Variants in ACOXL observed in about 807,000 individuals in gnomAD.
The protein encoded by ACOXL is acyl-CoA oxidase like.
Under a neutral mutation model 71.9 loss-of-function variants are expected in ACOXL, and 70 were observed. The ratio of observed to expected loss-of-function variants is 0.97; its 90% CI spans 0.80 to 1.19. The LOEUF (loss-of-function observed/expected upper bound fraction) is 1.19. Among genes scored for constraint, ACOXL ranks in the 50% most tolerant of loss-of-function variants. The pLI, the probability that ACOXL is intolerant of heterozygous loss-of-function variation, is 0.00. For missense variants in ACOXL, 703 were observed against 736.3 expected (o/e 0.95, Z 0.52); for synonymous variants, 253 against 281.6 (o/e 0.90, Z 1.02).
intron 15 of ACOXL, 92 bp downstream of exon 15, chr2:111,031,806 A>T: frequency 7.8e-7 from 1 of 1,275,934 alleles, no homozygotes; most frequent in Non-Finnish European, 1.1e-6. Flanking sequence ...GGACAGTCCC[A>T]ACACACAGGG....
chr2:110,834,744 G>T (rs1427750880), intron 9 of ACOXL, among the ~76,000 whole-genome samples: 4 of 152,254 alleles, frequency 2.6e-5, no homozygotes, highest in African/African-American at 7.2e-5. Flanking sequence ...GAGAGCAGAG[G>T]TGGTTCTCTG....
intron 12 of ACOXL, among the ~76,000 whole-genome samples, chr2:110,963,974 G>A (rs2061819398): frequency 6.6e-6 from 1 of 152,146 alleles, no homozygotes; most frequent in South Asian, 2.1e-4. Context: ...TTTTGAAAGA[G>A]TATGTAAGGC....
intron 16 of ACOXL, among the ~76,000 whole-genome samples, chr2:111,079,217 T>C (rs2149965455): frequency 6.6e-6 from 1 of 152,336 alleles, no homozygotes; most frequent in South Asian, 2.1e-4. Context: ...CCAAATAATG[T>C]ACATTGTACC....
At chr2:111,080,821 C>T (rs1356812857) in intron 16 of ACOXL, among the ~76,000 whole-genome samples, 4 of 152,304 alleles carry the variant, frequency 2.6e-5, no homozygotes, top group African/African-American at 9.6e-5. Flanking sequence ...AGCTTATTCA[C>T]CACGATCAAG....
At chr2:111,044,464 G>A (rs530231430) in intron 15 of ACOXL, among the ~76,000 whole-genome samples, 1 of 152,382 alleles carries the variant, frequency 6.6e-6, no homozygotes, top group African/African-American at 2.4e-5. Context: ...CGCAGGGGCA[G>A]GGCCCCTATT....
At chr2:110,988,872 TG>T (rs1449266374) in intron 13 of ACOXL, among the ~76,000 whole-genome samples, 1 of 151,698 alleles carries the variant, frequency 6.6e-6, no homozygotes, top group African/African-American at 2.4e-5. Flanking sequence ...TGTGTGTGTG[TG>T]TGTGTGTGTG....
At chr2:110,998,082 T>A (rs1317531002) in intron 14 of ACOXL, among the ~76,000 whole-genome samples, 2 of 152,124 alleles carry the variant, frequency 1.3e-5, no homozygotes, top group African/African-American at 2.4e-5. Flanking sequence ...AAATATTTTT[T>A]TTTTGGAAAA....
chr2:110,986,526 G>A (rs561936031), intron 12 of ACOXL, among the ~76,000 whole-genome samples: 18 of 152,292 alleles, frequency 1.2e-4, no homozygotes, highest in African/African-American at 4.1e-4. Flanking sequence ...AGGTGGCCTC[G>A]TTCACATGTC....
intron 15 of ACOXL, among the ~76,000 whole-genome samples, chr2:111,046,270 G>T (rs1361623169): frequency 6.6e-6 from 1 of 152,230 alleles, no homozygotes; most frequent in African/African-American, 2.4e-5. Flanking sequence ...GCTCAGCAAG[G>T]CTGTGTGACT....
chr2:111,061,451 A>C (rs894876692), intron 16 of ACOXL, among the ~76,000 whole-genome samples: 4 of 149,040 alleles, frequency 2.7e-5, no homozygotes, highest in Non-Finnish European at 5.9e-5. Context: ...AAGTCAAGCT[A>C]TCCTCAGATT....
At chr2:111,081,341 A>G (rs1210787986) in intron 16 of ACOXL, among the ~76,000 whole-genome samples, 1 of 152,250 alleles carries the variant, frequency 6.6e-6, no homozygotes, top group Non-Finnish European at 1.5e-5. Context: ...TACAAAATCA[A>G]TGTGCAAAAA....
intron 12 of ACOXL, among the ~76,000 whole-genome samples, chr2:110,960,990 C>T (rs765903574): frequency 8.5e-5 from 13 of 152,208 alleles, no homozygotes; most frequent in Non-Finnish European, 1.5e-4. Context: ...AGTGGGTCAC[C>T]TCAGGGTCCC....
intron 12 of ACOXL, among the ~76,000 whole-genome samples, chr2:110,977,334 C>T (rs945763522): frequency 1.7e-4 from 25 of 151,394 alleles, no homozygotes; most frequent in Non-Finnish European, 2.7e-4. Context: ...TGCAGTGAGC[C>T]GAGATCGCCA....
At chr2:111,078,383 C>A (rs2067714944) in intron 16 of ACOXL, among the ~76,000 whole-genome samples, 1 of 152,102 alleles carries the variant, frequency 6.6e-6, no homozygotes, top group South Asian at 2.1e-4. Context: ...CATGCCTCAG[C>A]CTCCCAAGTA....
chr2:110,988,249 G>A (rs1015908651), intron 13 of ACOXL, among the ~76,000 whole-genome samples: 4 of 152,142 alleles, frequency 2.6e-5, no homozygotes, highest in Non-Finnish European at 5.9e-5. Flanking sequence ...ACCAGCCTGG[G>A]CAATATGGTG....
chr2:110,889,971 G>C (rs1006267005), intron 10 of ACOXL, among the ~76,000 whole-genome samples: 4 of 152,090 alleles, frequency 2.6e-5, no homozygotes, highest in African/African-American at 9.7e-5. Flanking sequence ...AGCCATACTT[G>C]CTATTATCTG....
At chr2:110,932,400 T>C (rs981491701) in intron 11 of ACOXL, among the ~76,000 whole-genome samples, 3 of 152,222 alleles carry the variant, frequency 2.0e-5, no homozygotes, top group Non-Finnish European at 2.9e-5. Flanking sequence ...AAACATATTA[T>C]TTCTCAATAT....
At chr2:110,828,124 T>G (rs1394615225) in intron 9 of ACOXL, among the ~76,000 whole-genome samples, 2 of 152,208 alleles carry the variant, frequency 1.3e-5, no homozygotes, top group East Asian at 3.9e-4. Flanking sequence ...GCACATGCCA[T>G]CGCACCTGGC....
At chr2:110,977,104 C>T (rs1045900983) in intron 12 of ACOXL, among the ~76,000 whole-genome samples, 7 of 152,044 alleles carry the variant, frequency 4.6e-5, no homozygotes, top group Admixed American at 3.3e-4. Flanking sequence ...TATTCTCTCC[C>T]GGCTGGGCAT....
Sources: gnomAD v4.1 joint callset for allele counts (sites outside exome capture counted in the v4.1 genomes callset) on GRCh38, gnomAD v4.1.1 for gene constraint, MANE v1.5 for transcripts, NCBI Gene and HGNC (gene_info 2026-07-23, HGNC 2026-07-21) for gene names.